Variants in LSAMP observed in about 807,000 individuals in gnomAD.
LSAMP encodes limbic system-associated membrane protein.
A neutral mutation model predicts 38.6 loss-of-function variants in LSAMP; 7 were observed. The observed-to-expected ratio is 0.18, with a 90% CI of 0.10 to 0.34. The LOEUF is 0.34. LSAMP is among the 10% of genes least tolerant of loss of function. The pLI, the probability that LSAMP is intolerant of heterozygous loss-of-function variation, is 1.00. For missense variants in LSAMP, 313 were observed against 420.0 expected, an observed-to-expected ratio of 0.75 and a Z score of 2.23; for synonymous variants, 154 against 166.8, an observed-to-expected ratio of 0.92 and a Z score of 0.59.
intron 1 of LSAMP, among the ~76,000 whole-genome samples, chr3:116,348,849 G>A (rs1483672958): frequency 6.6e-6 from 1 of 152,002 alleles, no homozygotes; most frequent in Non-Finnish European, 1.5e-5. Context: ...ATTTATAGTT[G>A]GTGACAAAAT....
rs75124738 is a variant in LSAMP, at chr3:116,157,646, A to G, written c.156-71090T>C. ...TCCTGGAAACATACACCTCTCCAAG[A>G]TGAACCCAGAAAAAATTAAATCCCT... On this transcript the variant is annotated intron_variant, in intron 1 of 6. Transcript: ENST00000490035. 6.3e-3 allele frequency among the ~76,000 whole-genome samples: 958 copies of G among 152,250 alleles called. 5 individuals carry two copies. Among genetic ancestry groups the G allele is most frequent in the Non-Finnish European group, 0.011 (724 of 68,004 alleles).
At chr3:116,355,789 G>A (rs187637952) in intron 1 of LSAMP, among the ~76,000 whole-genome samples, 1 of 152,216 alleles carries the variant, frequency 6.6e-6, no homozygotes, top group Admixed American at 6.5e-5. Context: ...ATTTCCCAAA[G>A]AAAACATACA....
chr3:116,214,109 A>G (rs1235931515), intron 1 of LSAMP, among the ~76,000 whole-genome samples: 1 of 152,246 alleles, frequency 6.6e-6, no homozygotes, highest in East Asian at 1.9e-4. Context: ...ATTTAAAAGC[A>G]TACACATCTC....
intron 2 of LSAMP, among the ~76,000 whole-genome samples, chr3:116,041,807 A>AC (rs1428454430): frequency 7.0e-6 from 1 of 142,064 alleles, no homozygotes; most frequent in African/African-American, 2.8e-5. Context: ...AAAAAAAAAC[A>AC]AAACAAAACA....
At chr3:116,415,323 G>C in intron 1 of LSAMP, among the ~76,000 whole-genome samples, 1 of 152,034 alleles carries the variant, frequency 6.6e-6, no homozygotes, top group Non-Finnish European at 1.5e-5. Context: ...TCAAAAAAAT[G>C]GTTGCCGGAC....
intron 1 of LSAMP, among the ~76,000 whole-genome samples, chr3:116,247,128 A>C (rs781224227): frequency 2.0e-5 from 3 of 152,206 alleles, no homozygotes; most frequent in Non-Finnish European, 4.4e-5. Context: ...TAGACATAAA[A>C]GTAAGGTCAC....
chr3:116,391,202 G>A (rs1447732973), intron 1 of LSAMP, among the ~76,000 whole-genome samples: 10 of 151,648 alleles, frequency 6.6e-5, no homozygotes, highest in East Asian at 2.0e-4. Flanking sequence ...TGTCAGCAGC[G>A]GACCGTCTGG....
chr3:116,186,235 T>C (rs1710613782), intron 1 of LSAMP, among the ~76,000 whole-genome samples: 1 of 152,152 alleles, frequency 6.6e-6, no homozygotes, highest in African/African-American at 2.4e-5. Context: ...TAAAGTCTTT[T>C]TGATGTTTTA....
intron 3 of LSAMP, among the ~76,000 whole-genome samples, chr3:115,922,479 T>G (rs1937405776): frequency 6.6e-6 from 1 of 152,182 alleles, no homozygotes; most frequent in South Asian, 2.1e-4. Context: ...TCATTATTAT[T>G]TTGAACTCAT....
intron 3 of LSAMP, among the ~76,000 whole-genome samples, chr3:115,991,006 T>C (rs1939650951): frequency 6.6e-6 from 1 of 152,190 alleles, no homozygotes; most frequent in East Asian, 1.9e-4. Context: ...TATAAAGACA[T>C]CTCAGCATTT....
At chr3:116,414,562 C>A (rs1226542138) in intron 1 of LSAMP, among the ~76,000 whole-genome samples, 1 of 152,100 alleles carries the variant, frequency 6.6e-6, no homozygotes, top group East Asian at 1.9e-4. Flanking sequence ...TTCTTCTCAT[C>A]TCAGTGGAAA....
At chr3:116,100,962 A>G (rs762603110) in intron 1 of LSAMP, among the ~76,000 whole-genome samples, 6 of 152,076 alleles carry the variant, frequency 3.9e-5, no homozygotes, top group Non-Finnish European at 7.4e-5. Context: ...ATTCTCTCCA[A>G]TTTCCCTAGT....
chr3:116,132,113 C>A (rs1395840582), intron 1 of LSAMP, among the ~76,000 whole-genome samples: 1 of 152,118 alleles, frequency 6.6e-6, no homozygotes, highest in South Asian at 2.1e-4. Flanking sequence ...TGGGCATGAG[C>A]CACCGTGCCT....
chr3:116,292,873 A>G (rs944992639), intron 1 of LSAMP, among the ~76,000 whole-genome samples: 3 of 152,236 alleles, frequency 2.0e-5, no homozygotes, highest in African/African-American at 7.2e-5. Flanking sequence ...TCAAAATAAT[A>G]TGAATGTGCA....
In LSAMP at chr3:116,186,927, C is replaced by CT. The variant is rs1267096207; in HGVS notation, c.156-100372dup. Among the ~76,000 whole-genome samples, 3 of 152,044 alleles carry CT rather than the reference C, an allele frequency of 2.0e-5. No individual in the cohort carries two copies. In the East Asian group the frequency reaches 5.8e-4, roughly 29 times the overall value. On this transcript the variant is annotated intron_variant, in intron 1 of 6. Transcript: ENST00000490035. ...AAGAAAGGCCTTGCTATGCATAAGA[C>CT]TATTTCTAATGGTGGTAGGTTGAAG...
intron 3 of LSAMP, among the ~76,000 whole-genome samples, chr3:115,987,515 T>A (rs1939544933): frequency 6.6e-6 from 1 of 152,176 alleles, no homozygotes; most frequent in Non-Finnish European, 1.5e-5. Context: ...GCTGGGATTA[T>A]CCCAATTAAT....
At chr3:116,427,646 G>A (rs1436419619) in intron 1 of LSAMP, among the ~76,000 whole-genome samples, 1 of 152,012 alleles carries the variant, frequency 6.6e-6, no homozygotes, top group Non-Finnish European at 1.5e-5. Flanking sequence ...AATACAAAAC[G>A]ATAAATTAAA....
intron 4 of LSAMP, among the ~76,000 whole-genome samples, chr3:115,844,687 A>C (rs1446067465): frequency 6.6e-6 from 1 of 152,154 alleles, no homozygotes; most frequent in Non-Finnish European, 1.5e-5. Context: ...TTATCTATAA[A>C]ATGTTGGGGC....
intron 3 of LSAMP, among the ~76,000 whole-genome samples, chr3:115,888,981 C>T (rs918541099): frequency 6.6e-6 from 1 of 151,874 alleles, no homozygotes; most frequent in African/African-American, 2.4e-5. Context: ...TCTTCAACCA[C>T]GCAGAGAGAA....
Sources: allele counts gnomAD v4.1 joint callset (sites outside exome capture counted in the v4.1 genomes callset), GRCh38; gene constraint gnomAD v4.1.1; transcripts MANE v1.5; gene names NCBI Gene and HGNC (gene_info 2026-07-23, HGNC 2026-07-21).